The following ZFAND3 variants were observed in gnomAD, a reference collection of about 807,000 sequenced individuals.
ZFAND3 encodes the protein zinc finger AN1-type containing 3.
A neutral mutation model predicts 29.6 loss-of-function variants in ZFAND3; 10 were observed. That is an observed-to-expected ratio of 0.34 (90% CI 0.21 to 0.57). The LOEUF (loss-of-function observed/expected upper bound fraction) is 0.57, where lower values mean the gene tolerates loss of function less well. Ranked by LOEUF, ZFAND3 falls within the 20% of genes least tolerant of loss-of-function variation. The pLI is 0.86. For synonymous variants in ZFAND3, 128 were observed against 112.6 expected (o/e 1.14, Z -0.87); for missense variants, 230 against 304.5 (o/e 0.76, Z 1.82).
chr6:37,844,316 C>G (rs771530088), intron 1 of ZFAND3, among the ~76,000 whole-genome samples: 10 of 150,148 alleles, frequency 6.7e-5, no homozygotes, highest in Non-Finnish European at 1.3e-4. Context: ...TTGTCTTGCC[C>G]TGTCGCCCAG....
intron 2 of ZFAND3, among the ~76,000 whole-genome samples, chr6:38,010,447 T>C (rs1485911105): frequency 6.6e-6 from 1 of 152,176 alleles, no homozygotes; most frequent in African/African-American, 2.4e-5. Flanking sequence ...TTTGAAAGTT[T>C]ATATCTAACA....
chr6:37,901,166 C>A (rs940684597), intron 1 of ZFAND3, among the ~76,000 whole-genome samples: 1 of 152,036 alleles, frequency 6.6e-6, no homozygotes, highest in Non-Finnish European at 1.5e-5. Flanking sequence ...TTCACTGTGG[C>A]CAGGCCTTCT....
chr6:38,153,175 G>A lies in ZFAND3; in HGVS notation c.*786G>A. Reference sequence around the variant, plus strand: ...CTGGTCTGCCATTCGCCAGTGCAGGGATCTGGCACGGACCAGATGTGGCGA... The same window carrying A: ...CTGGTCTGCCATTCGCCAGTGCAGGAATCTGGCACGGACCAGATGTGGCGA... On this transcript the variant is annotated 3_prime_UTR_variant, in exon 6 of 6. Coordinates refer to ENST00000287218, the MANE Select transcript of ZFAND3 (RefSeq NM_021943.3). 2.0e-6 allele frequency: 2 copies of A among 985,494 alleles called. No homozygotes were observed. Among genetic ancestry groups the A allele is most frequent in the Non-Finnish European group, 2.4e-6 (2 of 829,948 alleles). The allele number at this position is 985,494 out of a possible 1,614,324, so 61.0% of individuals were successfully genotyped here.
intron 5 of ZFAND3, among the ~76,000 whole-genome samples, chr6:38,144,339 T>TG (rs1766059108): frequency 6.6e-6 from 1 of 151,874 alleles, no homozygotes; most frequent in African/African-American, 2.4e-5. Flanking sequence ...CATGAGTTGA[T>TG]GTACCACTTG....
At chr6:37,911,846 G>A (rs930639117) in intron 1 of ZFAND3, among the ~76,000 whole-genome samples, 15 of 152,148 alleles carry the variant, frequency 9.9e-5, no homozygotes, top group African/African-American at 3.4e-4. Context: ...CTGGCAAGCT[G>A]TGGTTATGTC....
intron 2 of ZFAND3, among the ~76,000 whole-genome samples, chr6:37,970,194 G>C (rs935451778): frequency 1.3e-5 from 2 of 151,940 alleles, no homozygotes; most frequent in Admixed American, 6.5e-5. Context: ...AATTTAGAAG[G>C]CTTGTTAGGA....
intron 1 of ZFAND3, among the ~76,000 whole-genome samples, chr6:37,920,907 T>C (rs1438090657): frequency 1.3e-5 from 2 of 152,158 alleles, no homozygotes; most frequent in Admixed American, 6.5e-5. Context: ...AGTAGAGCTG[T>C]TGGCTGCTTC....
chr6:37,935,951 C>T (rs1581775526), intron 2 of ZFAND3, among the ~76,000 whole-genome samples: 1 of 152,108 alleles, frequency 6.6e-6, no homozygotes, highest in African/African-American at 2.4e-5. Flanking sequence ...ATATTCCTGC[C>T]TCTTACAAAG....
At chr6:37,947,418 A>C (rs1229083260) in intron 2 of ZFAND3, among the ~76,000 whole-genome samples, 1 of 152,162 alleles carries the variant, frequency 6.6e-6, no homozygotes, top group Non-Finnish European at 1.5e-5. Flanking sequence ...AAGCTACTTT[A>C]CCTGAAATAT....
chr6:38,110,218 T>A (rs1765287598), intron 4 of ZFAND3, among the ~76,000 whole-genome samples: 1 of 152,214 alleles, frequency 6.6e-6, no homozygotes, highest in Non-Finnish European at 1.5e-5. Flanking sequence ...CAATGGCTTT[T>A]CAACAGATGT....
intron 2 of ZFAND3, among the ~76,000 whole-genome samples, chr6:38,051,832 A>G (rs1161741056): frequency 6.6e-6 from 1 of 152,242 alleles, no homozygotes; most frequent in Non-Finnish European, 1.5e-5. Context: ...TGTACATGTT[A>G]TTGTAGTACT....
chr6:37,920,090 T>C (rs1180421100), intron 1 of ZFAND3, among the ~76,000 whole-genome samples: 1 of 150,672 alleles, frequency 6.6e-6, no homozygotes, highest in Non-Finnish European at 1.5e-5. Context: ...TGTTAGTATT[T>C]AGTATAAAAT....
chr6:38,047,244 G>A (rs772586690), intron 2 of ZFAND3, among the ~76,000 whole-genome samples: 1 of 151,614 alleles, frequency 6.6e-6, no homozygotes, highest in Non-Finnish European at 1.5e-5. Context: ...GAACACAGGC[G>A]GCGGAGGTTG....
At position 38,154,492 on chromosome 6, in the gene ZFAND3, G is replaced by C. The variant is rs1581967428; in HGVS notation, c.*2103G>C. 1.0e-6 allele frequency: 1 copy of C among 983,344 alleles called. No individual in the cohort carries two copies. The highest frequency in any genetic ancestry group is 1.7e-5 in the African/African-American group (1 of 57,228). The allele number at this position is 983,344 out of a possible 1,614,324, so 60.9% of individuals were successfully genotyped here. ...AGAGAAAATCTTATTTAACCCTTTT[G>C]TGTTCTAGATTTACTTACACACATA... On this transcript the variant is annotated 3_prime_UTR_variant, in exon 6 of 6. Coordinates refer to ENST00000287218, the MANE Select transcript of ZFAND3 (RefSeq NM_021943.3).
rs1554183921 is a variant in ZFAND3 at position 38,144,184 on chromosome 6, AATATATATAT to A, written c.530-8033_530-8024del. On this transcript the variant is annotated intron_variant, in intron 5 of 5. Coordinates refer to ENST00000287218, the MANE Select transcript of ZFAND3 (RefSeq NM_021943.3). ...CTAGAAAAATGTGATATATATATAT[AATATATATAT>A]ATATATATATATATATAATATATAA... is the stretch of plus-strand genomic sequence containing the variant. Among the ~76,000 whole-genome samples the A allele has an allele frequency of 4.5e-4, 19 of 42,544 alleles. 2 individuals are homozygous for A. Among genetic ancestry groups the A allele is most frequent in the East Asian group, 3.9e-3 (7 of 1,808 alleles). 27.9% of individuals were successfully genotyped at this position (42,544 alleles called of 152,430 possible). A position where few individuals can be genotyped will look rare whatever the true frequency, so the allele number is the denominator to read the frequency against.
intron 5 of ZFAND3, among the ~76,000 whole-genome samples, chr6:38,138,318 TATC>T (rs1181386626): frequency 3.3e-5 from 5 of 152,316 alleles, no homozygotes; most frequent in Admixed American, 6.5e-5. Flanking sequence ...TTCTGCTAAA[TATC>T]ATTTTATACA....
At chr6:37,847,974 A>G (rs1764212775) in intron 1 of ZFAND3, among the ~76,000 whole-genome samples, 1 of 152,248 alleles carries the variant, frequency 6.6e-6, no homozygotes, top group Non-Finnish European at 1.5e-5. Flanking sequence ...AAAGCGTAAA[A>G]TACTTACAGA....
intron 5 of ZFAND3, among the ~76,000 whole-genome samples, chr6:38,146,028 A>C (rs1766099184): frequency 6.6e-6 from 1 of 152,212 alleles, no homozygotes; most frequent in Non-Finnish European, 1.5e-5. Context: ...AGCAACAGTC[A>C]GGGAAGTGAT....
At chr6:38,076,141 T>C (rs1310686724) in intron 3 of ZFAND3, among the ~76,000 whole-genome samples, 1 of 152,108 alleles carries the variant, frequency 6.6e-6, no homozygotes, top group Non-Finnish European at 1.5e-5. Context: ...AACATTGAAG[T>C]AAGATCCTTC....
Sources: allele counts gnomAD v4.1 joint callset (sites outside exome capture counted in the v4.1 genomes callset), GRCh38; gene constraint gnomAD v4.1.1; transcripts MANE v1.5; gene names NCBI Gene and HGNC (gene_info 2026-07-23, HGNC 2026-07-21).